Variants in LAMA1 observed in about 807,000 individuals in gnomAD.
LAMA1 encodes the protein laminin subunit alpha 1.
Under a neutral mutation model 348.7 loss-of-function variants are expected in LAMA1, and 219 were observed. That is an observed-to-expected ratio of 0.63 (90% CI 0.56 to 0.70). The LOEUF (loss-of-function observed/expected upper bound fraction) is 0.70. LAMA1 is among the 30% of genes least tolerant of loss of function. LAMA1 has a pLI of 0.00. For synonymous variants in LAMA1, 1,487 were observed against 1,491.0 expected (o/e 1.00, Z 0.06); for missense variants, 3,744 against 3,888.0 (o/e 0.96, Z 0.99).
At chr18:6,956,355 T>C in intron 56 of LAMA1, 1 of 568,812 alleles carries the variant, frequency 1.8e-6, no homozygotes, top group Non-Finnish European at 3.3e-6. Context: ...AAATTGATAA[T>C]GAGTCCTTAT....
chr18:6,976,601 T>A (rs868244332), intron 44 of LAMA1, among the ~76,000 whole-genome samples: 2 of 148,926 alleles, frequency 1.3e-5, no homozygotes, highest in Non-Finnish European at 3.0e-5. Flanking sequence ...TTTATTTATT[T>A]ATTTATTTAT....
intron 1 of LAMA1, among the ~76,000 whole-genome samples, chr18:7,104,665 A>C (rs777431994): frequency 2.0e-5 from 3 of 152,202 alleles, no homozygotes; most frequent in African/African-American, 7.2e-5. Flanking sequence ...GTCCCACTCA[A>C]TAGAGAATGA....
intron 3 of LAMA1, among the ~76,000 whole-genome samples, chr18:7,069,219 T>A (rs1598304628): frequency 6.6e-6 from 1 of 152,208 alleles, no homozygotes; most frequent in Non-Finnish European, 1.5e-5. Flanking sequence ...ATATAAATCG[T>A]ATCAAGAAAC....
intron 34 of LAMA1, among the ~76,000 whole-genome samples, chr18:6,994,619 A>T (rs2144078359): frequency 6.6e-6 from 1 of 152,000 alleles, no homozygotes; most frequent in Middle Eastern, 3.4e-3. Flanking sequence ...GTATGTGTGC[A>T]TGTGTTGATG....
intron 18 of LAMA1, among the ~76,000 whole-genome samples, chr18:7,024,034 G>T (rs2057931403): frequency 6.6e-6 from 1 of 151,316 alleles, no homozygotes; most frequent in African/African-American, 2.4e-5. Flanking sequence ...TGTAGAGACA[G>T]GGTTTTACCA....
At chr18:7,055,720 G>A (rs35481014) in intron 3 of LAMA1, among the ~76,000 whole-genome samples, 5,705 of 152,232 alleles carry the variant, frequency 0.037, 142 homozygotes, top group Non-Finnish European at 0.056. Flanking sequence ...TGTGTCAGAT[G>A]TTTTGGCTAT....
chr18:7,022,061 T>A (rs2057920319), intron 19 of LAMA1, among the ~76,000 whole-genome samples: 1 of 151,898 alleles, frequency 6.6e-6, no homozygotes, highest in African/African-American at 2.4e-5. Flanking sequence ...GTCACACAGT[T>A]GGTCCTGGAA....
At chr18:6,944,659 T>A (rs549453738) in intron 61 of LAMA1, among the ~76,000 whole-genome samples, 3 of 152,290 alleles carry the variant, frequency 2.0e-5, no homozygotes, top group African/African-American at 7.2e-5. Context: ...ACGAGGCATC[T>A]GTAAGTCAAA....
At chr18:7,083,278 C>T (rs575700642) in intron 1 of LAMA1, among the ~76,000 whole-genome samples, 2 of 151,110 alleles carry the variant, frequency 1.3e-5, no homozygotes, top group South Asian at 2.1e-4. Flanking sequence ...CTCCACCTCC[C>T]GGGTTCAAGC....
chr18:6,968,297 C>T (rs2057642835), intron 48 of LAMA1, among the ~76,000 whole-genome samples: 1 of 152,216 alleles, frequency 6.6e-6, no homozygotes, highest in African/African-American at 2.4e-5. Flanking sequence ...TCTCCGAGGG[C>T]TCCCTCATGA....
At chr18:7,093,766 T>C (rs1406864234) in intron 1 of LAMA1, among the ~76,000 whole-genome samples, 2 of 142,222 alleles carry the variant, frequency 1.4e-5, no homozygotes, top group Admixed American at 1.5e-4. Flanking sequence ...TACTGCAGGG[T>C]TTCTCAACTT....
Position 6,942,246 on chromosome 18 carries a change from A to C in LAMA1, c.9068-7T>G. On this transcript the variant is annotated splice_region_variant and splice_polypyrimidine_tract_variant and intron_variant, in intron 62 of 62. Coordinates refer to ENST00000389658, the MANE Select transcript of LAMA1 (RefSeq NM_005559.4). ...CATTTTTGCTTCACACCAGCTGTTCAGGAAAGAAGAGAAGACAAATCTTGC... is the reference window on the plus strand; with the variant it reads ...CATTTTTGCTTCACACCAGCTGTTCCGGAAAGAAGAGAAGACAAATCTTGC... 7 of 1,613,888 alleles carry C rather than the reference A, an allele frequency of 4.3e-6. No individual in the cohort carries two copies. Among genetic ancestry groups the C allele is most frequent in the Non-Finnish European group, 5.9e-6 (7 of 1,180,018 alleles).
At chr18:6,956,032 G>A (rs1163603279) in intron 56 of LAMA1, 8 of 295,440 alleles carry the variant, frequency 2.7e-5, no homozygotes, top group Non-Finnish European at 4.6e-5. Flanking sequence ...GGTCCCAGAT[G>A]CTGTTTTCTG....
intron 17 of LAMA1, 34 bp downstream of exon 17, chr18:7,025,945 C>T (rs778909792): frequency 2.7e-5 from 43 of 1,590,618 alleles, no homozygotes; most frequent in Non-Finnish European, 3.5e-5. Flanking sequence ...CCTGGCCATG[C>T]TGGCAGGAAC....
intron 3 of LAMA1, among the ~76,000 whole-genome samples, chr18:7,062,561 G>A (rs934514791): frequency 2.0e-5 from 3 of 152,188 alleles, no homozygotes; most frequent in African/African-American, 4.8e-5. Context: ...GTTGGTGCCT[G>A]GAAATCATGA....
chr18:6,955,838 G>A (rs529795590), intron 56 of LAMA1: 19 of 363,630 alleles, frequency 5.2e-5, no homozygotes, highest in Admixed American at 7.5e-5. Context: ...CTGCCGAGAC[G>A]AGCTGCGGAC....
In LAMA1 at chr18:7,032,047, A is replaced by G. The variant is rs2144160817; in HGVS notation, c.2274+19T>C. The G allele has an allele frequency of 6.2e-7, 1 of 1,604,092 alleles. No homozygotes were observed. Among genetic ancestry groups the G allele is most frequent in the South Asian group, 1.1e-5 (1 of 90,838 alleles). On this transcript the variant is annotated intron_variant, in intron 16 of 62. Transcript: ENST00000389658. ...GAATTGAGGAGGAGAGGGCACCTGA[A>G]CTACAGTGAGAGACTCACAATGCAA... is the stretch of plus-strand genomic sequence containing the variant.
chr18:6,958,467 G>T lies in LAMA1; in HGVS notation c.7964+10C>A, dbSNP rs1568007398. The T allele has an allele frequency of 1.2e-6, 2 of 1,613,984 alleles. No homozygotes were observed. Among genetic ancestry groups the T allele is most frequent in the East Asian group, 4.5e-5 (2 of 44,876 alleles). ...AAGTGCAAGAACATGCAGAGAGCAGGTACACTTACTCCAAATTGAAGATCA... is the reference window on the plus strand; with the variant it reads ...AAGTGCAAGAACATGCAGAGAGCAGTTACACTTACTCCAAATTGAAGATCA... On this transcript the variant is annotated intron_variant, in intron 55 of 62. Coordinates refer to ENST00000389658, the MANE Select transcript of LAMA1 (RefSeq NM_005559.4).
At chr18:6,983,285 C>T (rs1600371338) in intron 39 of LAMA1, 51 bp from the exon 40 acceptor site, 4 of 1,601,604 alleles carry the variant, frequency 2.5e-6, no homozygotes, top group African/African-American at 2.7e-5. Context: ...ATCAAACTTG[C>T]CAATTCACTC....
Sources: allele counts gnomAD v4.1 joint callset (sites outside exome capture counted in the v4.1 genomes callset), GRCh38; gene constraint gnomAD v4.1.1; transcripts MANE v1.5; gene names NCBI Gene and HGNC (gene_info 2026-07-23, HGNC 2026-07-21).